HAL: variants seen among roughly 807,000 people sequenced by gnomAD.
HAL encodes the protein histidase.
In HAL, 85 loss-of-function variants were observed where a neutral mutation model predicts 81.1. The observed-to-expected ratio is 1.05, with a 90% CI of 0.88 to 1.25. HAL has a LOEUF of 1.25. HAL is among the 50% of genes most tolerant of loss of function. The pLI is 0.00. For missense variants in HAL, 798 were observed against 836.6 expected, an observed-to-expected ratio of 0.95 and a Z score of 0.57; for synonymous variants, 301 against 309.2, an observed-to-expected ratio of 0.97 and a Z score of 0.28.
In HAL at chr12:95,974,355, A is replaced by G. The variant is rs1232166565; in HGVS notation, c.1851T>C (p.Ala617=). ...LLEQKVWEVA[A]PYIEKYRMEH... is the part of the protein sequence containing the mutation. Reference sequence around the variant, plus strand: ...CCATTCTGTATTTTTCAATGTATGGAGCAGCTACTTCCCAAACCTGAAAAG... The same window carrying G: ...CCATTCTGTATTTTTCAATGTATGGGGCAGCTACTTCCCAAACCTGAAAAG... The change falls in exon 21 of 21, where the codon GCT becomes GCC. Residue 617 remains alanine (A), a synonymous_variant. Transcript: ENST00000261208. 3.7e-6 allele frequency: 6 copies of G among 1,613,558 alleles called. No homozygotes were observed. In the African/African-American group the frequency reaches 8.0e-5, roughly 22 times the overall value.
At chr12:95,991,840 A>G (rs563256691) in intron 9 of HAL, among the ~76,000 whole-genome samples, 1 of 152,316 alleles carries the variant, frequency 6.6e-6, no homozygotes, top group East Asian at 1.9e-4. Flanking sequence ...AATCACTACT[A>G]GTCTGTTCAG....
rs563109900 is a variant in HAL, at chr12:95,973,574, G to C, written c.*658C>G. 10 of 152,850 alleles carry C rather than the reference G, an allele frequency of 6.5e-5. No homozygotes were observed. Among genetic ancestry groups the C allele is most frequent in the Admixed American group, 6.5e-4 (10 of 15,388 alleles). 9.5% of individuals were successfully genotyped at this position (152,850 alleles called of 1,614,324 possible). On this transcript the variant is annotated 3_prime_UTR_variant, in exon 21 of 21. Coordinates refer to ENST00000261208, the MANE Select transcript of HAL (RefSeq NM_002108.4). ...CAGTTTAATAAGAGCCACCCAAATA[G>C]CAATCTTTATATTCATTCCTTATCT...
At chr12:95,977,653 AAAAAAAAAG>A (rs1381496204) in intron 18 of HAL, among the ~76,000 whole-genome samples, 1 of 151,288 alleles carries the variant, frequency 6.6e-6, no homozygotes, top group East Asian at 1.9e-4. Context: ...AAAAAAAAAA[AAAAAAAAAG>A]AGAAAAAAAA....
intron 15 of HAL, 128 bp downstream of exon 15, chr12:95,983,783 A>G: frequency 1.4e-6 from 1 of 701,914 alleles, no homozygotes; most frequent in Non-Finnish European, 2.6e-6. Context: ...AGCCTCAGGT[A>G]CTGATTCATT....
chr12:95,994,315 G>A (rs4595631), intron 4 of HAL, 151 bp from the exon 5 acceptor site: 1 of 749,772 alleles, frequency 1.3e-6, no homozygotes, highest in South Asian at 1.4e-5. Flanking sequence ...TCTTGCATAA[G>A]AGGAGGCTTA....
rs1592836922 is a variant in HAL, at chr12:95,977,978, C to T, written c.1620G>A (p.Arg540=). The stretch of plus-strand genomic sequence containing the variant: ...CATGCTCGATGACCCTGAGGGCTTT[C>T]CTTGCTGCCCATCCTCCCATGGAGA... ...DHVSMGGWAA[R]KALRVIEHVE... The change falls in exon 18 of 21, where the codon AGG becomes AGA. Residue 540 remains arginine, a synonymous_variant. Coordinates refer to ENST00000261208, the MANE Select transcript of HAL (RefSeq NM_002108.4). 1.2e-6 allele frequency: 2 copies of T among 1,614,172 alleles called. No homozygotes were observed. The highest frequency in any genetic ancestry group is 1.7e-6 in the Non-Finnish European group (2 of 1,180,022).
intron 15 of HAL, chr12:95,983,646 A>G (rs2136805095): frequency 2.0e-6 from 1 of 512,558 alleles, no homozygotes; most frequent in East Asian, 3.4e-5. Flanking sequence ...TGCTGGAAAT[A>G]TCTTCTTAAA....
rs777860213 is a variant in HAL, at chr12:95,985,922, G to A, written c.1192C>T (p.Arg398Cys). Residue 398 changes from arginine to cysteine, a missense_variant, in exon 14 of 21, where the codon CGC becomes TGC. Physicochemically the swap from Arg to Cys is radical, Grantham distance 180. Coordinates refer to ENST00000261208, the MANE Select transcript of HAL (RefSeq NM_002108.4). ...CTTTATTTTACCTGTGGACAGCAGC[G>A]CAAGGTGTATGCATCCTGGACGCGA... ...CDRVQDAYTL[R>C]CCPQVHGVVN... 17 of 1,607,580 alleles carry A rather than the reference G, an allele frequency of 1.1e-5. No individual in the cohort carries two copies. Among genetic ancestry groups the A allele is most frequent in the African/African-American group, 1.3e-5 (1 of 74,418 alleles).
intron 18 of HAL, among the ~76,000 whole-genome samples, chr12:95,977,246 T>A (rs762804783): frequency 8.5e-5 from 13 of 152,168 alleles, no homozygotes; most frequent in Admixed American, 8.5e-4. Flanking sequence ...CACAACTTCA[T>A]CCTCTCCCAC....
intron 17 of HAL, among the ~76,000 whole-genome samples, chr12:95,979,543 C>A (rs1326589761): frequency 6.6e-6 from 1 of 152,154 alleles, no homozygotes; most frequent in Non-Finnish European, 1.5e-5. Context: ...TCTGATCTAG[C>A]ATCTACGCAT....
At position 95,990,475 on chromosome 12, in the gene HAL, G is replaced by A. The variant is rs765354935; in HGVS notation, c.773C>T (p.Ala258Val). 1 of 1,612,072 alleles carries A rather than the reference G, an allele frequency of 6.2e-7. No individual in the cohort carries two copies. ...CCCAAGAGCAAGATGAGAGAGTGGG[G>A]CAAGGTCTCCACTGGCACCAACGGT... is the stretch of plus-strand genomic sequence containing the variant. ...KGTVGASGDL[A>V]PLSHLALGLV... Residue 258 changes from alanine (A) to valine (V), a missense_variant, in exon 10 of 21, where the codon GCC (alanine) becomes GTC (valine). By Grantham distance (64) the Ala-to-Val change is moderately conservative (BLOSUM62 0). Coordinates refer to ENST00000261208, the MANE Select transcript of HAL (RefSeq NM_002108.4).
At chr12:95,992,615 C>T (rs962064500) in intron 9 of HAL, 65 bp downstream of exon 9, 9 of 1,432,514 alleles carry the variant, frequency 6.3e-6, no homozygotes, top group South Asian at 2.3e-5. Context: ...TCTGGCCAAT[C>T]AATTCTACCC....
Position 95,986,162 on chromosome 12 carries a change from T to C in HAL, c.1052-2A>G. ...GGTGAGGTCGAAGAGCATGAATGTC[T>C]AGAATTGATGAAGGAGAAAAAGTCT... On this transcript the variant is annotated splice_acceptor_variant, in intron 12 of 20. Transcript: ENST00000261208. LOFTEE classifies it high-confidence loss of function. The C allele has an allele frequency of 6.5e-7, 1 of 1,544,864 alleles. No homozygotes were observed. The highest frequency in any genetic ancestry group is 9.0e-7 in the Non-Finnish European group (1 of 1,116,792).
Position 95,973,936 on chromosome 12 carries a change from A to G in HAL, c.*296T>C, listed in dbSNP as rs2080684627. 2.7e-6 allele frequency: 1 copy of G among 373,984 alleles called. No individual in the cohort carries two copies. The highest frequency in any genetic ancestry group is 4.9e-6 in the Non-Finnish European group (1 of 205,236). 23.2% of individuals were successfully genotyped at this position (373,984 alleles called of 1,614,324 possible). ...TAAGAGTAAAAAACAGGCACATACA[A>G]TTGTGGTTATTCTTCTCACCCTTAA... On this transcript the variant is annotated 3_prime_UTR_variant, in exon 21 of 21. Coordinates refer to ENST00000261208, the MANE Select transcript of HAL (RefSeq NM_002108.4).
At chr12:95,994,266 A>T in intron 4 of HAL, 102 bp from the exon 5 acceptor site, 2 of 825,632 alleles carry the variant, frequency 2.4e-6, no homozygotes. Context: ...CAGAGATCTG[A>T]TCATTGCGTG....
At position 95,994,017 on chromosome 12, in the gene HAL, G is replaced by T. The variant is rs143096131; in HGVS notation, c.412-19C>A. 6.8e-4 allele frequency: 1,098 copies of T among 1,607,248 alleles called. 5 individuals are homozygous for T. In the African/African-American group the frequency reaches 0.012, roughly 18 times the overall value. On this transcript the variant is annotated intron_variant, in intron 5 of 20. Coordinates refer to ENST00000261208, the MANE Select transcript of HAL (RefSeq NM_002108.4). ...GGGTGAGCTAGGAAAATGTTGATCA[G>T]AACTGAGCACGTTAAAGACTTCCAC...
chr12:95,987,182 G>T lies in HAL; in HGVS notation c.936C>A (p.Ile312=), dbSNP rs752488283. Reference sequence around the variant, plus strand: ...CTACAGCTTCACAGCCCAGGGATGTGATCATCTGCGTCCCATTGATGAGTG... The same window carrying T: ...CTACAGCTTCACAGCCCAGGGATGTTATCATCTGCGTCCCATTGATGAGTG... ...GLALINGTQM[I]TSLGCEAVER... The change falls in exon 12 of 21, where the codon ATC becomes ATA. Residue 312 remains isoleucine (I), a synonymous_variant. Transcript: ENST00000261208. 1.2e-6 allele frequency: 2 copies of T among 1,613,738 alleles called. No individual in the cohort carries two copies. The highest frequency in any genetic ancestry group is 1.3e-5 in the African/African-American group (1 of 75,062).
In HAL at chr12:95,995,817, C is replaced by A. The variant is rs150051467; in HGVS notation, c.94G>T (p.Val32Leu). 274 of 1,612,184 alleles carry A rather than the reference C, an allele frequency of 1.7e-4. No homozygotes were observed. The highest frequency in any genetic ancestry group is 2.2e-4 in the Non-Finnish European group (256 of 1,180,006). The change falls in exon 2 of 21, where the codon GTG becomes TTG. Residue 32 changes from valine to leucine, a missense_variant. Transcript: ENST00000261208. ...LTVGWLGREA[V>L]RRYIKNKPDN... Reference sequence around the variant, plus strand: ...GGCTTATTCTTGATATAGCGCCTCACGGCCTCCCGGCCCAGCCAGCCCACA... The same window carrying A: ...GGCTTATTCTTGATATAGCGCCTCAAGGCCTCCCGGCCCAGCCAGCCCACA...
intron 10 of HAL, among the ~76,000 whole-genome samples, chr12:95,989,052 T>C (rs1270942834): frequency 6.6e-6 from 1 of 152,100 alleles, no homozygotes; most frequent in Non-Finnish European, 1.5e-5. Flanking sequence ...CATTCAGTGC[T>C]TGAGGATGTG....
Sources: gnomAD v4.1 joint callset for allele counts (sites outside exome capture counted in the v4.1 genomes callset) on GRCh38, gnomAD v4.1.1 for gene constraint, MANE v1.5 for transcripts, NCBI Gene and HGNC (gene_info 2026-07-23, HGNC 2026-07-21) for gene names.